The following ATXN1 variants were observed in gnomAD, a reference collection of about 807,000 sequenced individuals.
The protein encoded by ATXN1 is ataxin-1.
A neutral mutation model predicts 56.4 loss-of-function variants in ATXN1; 8 were observed. That is an observed-to-expected ratio of 0.14 (90% CI 0.08 to 0.26). The LOEUF is 0.26. ATXN1 is among the 10% of genes least tolerant of loss of function. The pLI is 1.00. For missense variants in ATXN1, 987 were observed against 1,106.5 expected, an observed-to-expected ratio of 0.89 and a Z score of 1.53; for synonymous variants, 514 against 494.6, an observed-to-expected ratio of 1.04 and a Z score of -0.52.
At chr6:16,564,207 A>G (rs1286348348) in intron 4 of ATXN1, among the ~76,000 whole-genome samples, 1 of 152,198 alleles carries the variant, frequency 6.6e-6, no homozygotes, top group East Asian at 1.9e-4. Context: ...GTTGGTTGAT[A>G]TTCTTACCCT....
rs565846313 is a variant in ATXN1, at chr6:16,515,613, C to T, written c.-299+7014G>A. 3.9e-5 allele frequency among the ~76,000 whole-genome samples: 6 copies of T among 152,318 alleles called. 1 individual carries two copies. The highest frequency in any genetic ancestry group is 1.4e-4 in the African/African-American group (6 of 41,566). On this transcript the variant is annotated intron_variant, in intron 5 of 7. Transcript: ENST00000436367. ...CCTATCTCCCTGTCCAAGGCAGTCT[C>T]CCCCTTTCTCTCTATGAGCTGTCCA...
chr6:16,621,923 G>A (rs1304231324), intron 3 of ATXN1, among the ~76,000 whole-genome samples: 2 of 152,174 alleles, frequency 1.3e-5, no homozygotes, highest in Non-Finnish European at 2.9e-5. Flanking sequence ...GGGTAAATGT[G>A]GGCGAGTAGT....
chr6:16,495,645 T>C (rs1760763958), intron 5 of ATXN1, among the ~76,000 whole-genome samples: 1 of 152,112 alleles, frequency 6.6e-6, no homozygotes, highest in Non-Finnish European at 1.5e-5. Flanking sequence ...GGTGGATCAT[T>C]TGAGGTCAGG....
intron 6 of ATXN1, among the ~76,000 whole-genome samples, chr6:16,341,179 T>G (rs1761236961): frequency 6.6e-6 from 1 of 152,176 alleles, no homozygotes; most frequent in South Asian, 2.1e-4. Context: ...TCCTCCACAA[T>G]ACAAAGGAGG....
chr6:16,728,058 A>G (rs1759888220), intron 2 of ATXN1, among the ~76,000 whole-genome samples: 1 of 152,190 alleles, frequency 6.6e-6, no homozygotes, highest in Admixed American at 6.5e-5. Flanking sequence ...GATTACAGAG[A>G]TTAAACGCCT....
chr6:16,586,409 C>T (rs570929000), intron 3 of ATXN1, among the ~76,000 whole-genome samples: 1 of 152,280 alleles, frequency 6.6e-6, no homozygotes, highest in Non-Finnish European at 1.5e-5. Flanking sequence ...CTACACATGC[C>T]TCTTTGTTAA....
chr6:16,624,270 G>T (rs1351109957), intron 3 of ATXN1, among the ~76,000 whole-genome samples: 1 of 148,564 alleles, frequency 6.7e-6, no homozygotes, highest in African/African-American at 2.5e-5. Flanking sequence ...AGGATCACTT[G>T]AACCCAGGAA....
chr6:16,565,805 A>G (rs1018788934), intron 4 of ATXN1, among the ~76,000 whole-genome samples: 14 of 152,230 alleles, frequency 9.2e-5, no homozygotes, highest in Non-Finnish European at 1.5e-4. Context: ...CTGAAGACAC[A>G]GAACAAATGA....
At chr6:16,340,422 G>T (rs1421828477) in intron 6 of ATXN1, among the ~76,000 whole-genome samples, 1 of 152,182 alleles carries the variant, frequency 6.6e-6, no homozygotes, top group Non-Finnish European at 1.5e-5. Context: ...CTGGGAGGAG[G>T]TAATGCTGTT....
At chr6:16,552,267 C>A (rs1761935046) in intron 4 of ATXN1, among the ~76,000 whole-genome samples, 1 of 152,200 alleles carries the variant, frequency 6.6e-6, no homozygotes, top group Admixed American at 6.5e-5. Flanking sequence ...TCTTTCTAAC[C>A]AGCTCACTCT....
intron 3 of ATXN1, among the ~76,000 whole-genome samples, chr6:16,620,498 CACAG>C (rs1282134498): frequency 1.3e-5 from 2 of 152,148 alleles, no homozygotes; most frequent in African/African-American, 2.4e-5. Context: ...CACATACACA[CACAG>C]ACAGAGAGAG....
chr6:16,436,744 T>C (rs577875977), intron 6 of ATXN1, among the ~76,000 whole-genome samples: 9 of 152,104 alleles, frequency 5.9e-5, no homozygotes, highest in East Asian at 3.9e-4. Flanking sequence ...GACAAGTTCT[T>C]TGAGCCACAA....
Position 16,326,405 on chromosome 6 carries a change from G to A in ATXN1, c.1906C>T (p.His636Tyr). 1 of 1,613,350 alleles carries A rather than the reference G, an allele frequency of 6.2e-7. No individual in the cohort carries two copies. ...CTGGCTAACGTTACCTGGGCTCGGT[G>A]CTCCCCGACGGCGAACTGTATCACG... ...VAVIQFAVGE[H>Y]RAQVSVEVLV... The change falls in exon 7 of 8, where the codon CAC (histidine) becomes TAC (tyrosine). Residue 636 changes from histidine to tyrosine, a missense_variant. Coordinates refer to ENST00000436367, the MANE Select transcript of ATXN1 (RefSeq NM_001128164.2). This position sits in a 1 kb window ranked among gnomAD's most constrained non-coding sequence, Gnocchi z 6.6.
intron 6 of ATXN1, among the ~76,000 whole-genome samples, chr6:16,439,391 T>TGGGGGG (rs1470984574): frequency 3.7e-3 from 5 of 1,340 alleles, no homozygotes; most frequent in African/African-American, 0.011. Flanking sequence ...GAATAAGGGT[T>TGGGGGG]GGGGTGGGGT....
intron 6 of ATXN1, chr6:16,432,988 A>G (rs1759316022): frequency 6.6e-6 from 1 of 152,212 alleles, no homozygotes; most frequent in African/African-American, 2.4e-5. Flanking sequence ...TCTGCTTGAA[A>G]GAAGTGCAAA....
At chr6:16,640,986 T>G (rs1228023324) in intron 3 of ATXN1, among the ~76,000 whole-genome samples, 1 of 152,224 alleles carries the variant, frequency 6.6e-6, no homozygotes, top group Non-Finnish European at 1.5e-5. Context: ...GTTGCTGATA[T>G]GGACAAAGTT....
intron 6 of ATXN1, among the ~76,000 whole-genome samples, chr6:16,450,471 C>G (rs1385117725): frequency 6.6e-6 from 1 of 152,176 alleles, no homozygotes; most frequent in Non-Finnish European, 1.5e-5. Context: ...CTAGTGCTCT[C>G]TGATTCAAGG....
At chr6:16,431,612 T>G (rs1016780555) in intron 6 of ATXN1, among the ~76,000 whole-genome samples, 25 of 152,188 alleles carry the variant, frequency 1.6e-4, no homozygotes, top group Non-Finnish European at 2.9e-5. Context: ...TATTTAACTA[T>G]TTTCCAGGGA....
intron 3 of ATXN1, among the ~76,000 whole-genome samples, chr6:16,601,328 T>C (rs1387961149): frequency 6.6e-6 from 1 of 152,222 alleles, no homozygotes; most frequent in Admixed American, 6.5e-5. Context: ...TATTTAAGTA[T>C]GTTGCTATCT....
Sources: allele counts gnomAD v4.1 joint callset (sites outside exome capture counted in the v4.1 genomes callset), GRCh38; gene constraint gnomAD v4.1.1; non-coding constraint Gnocchi (gnomAD v3.1); transcripts MANE v1.5; gene names NCBI Gene and HGNC (gene_info 2026-07-23, HGNC 2026-07-21).